Variants in EPB41L2 observed in about 807,000 individuals in gnomAD.
The protein encoded by EPB41L2 is band 4.1-like protein 2.
EPB41L2 carries 43 observed loss-of-function variants against 113.0 expected under a neutral mutation model. The ratio of observed to expected loss-of-function variants is 0.38; its 90% CI spans 0.30 to 0.49. EPB41L2 has a LOEUF of 0.49. Among genes scored for constraint, EPB41L2 ranks in the 20% least tolerant of loss-of-function variants. The pLI, the probability that EPB41L2 is intolerant of heterozygous loss-of-function variation, is 0.95. For missense variants in EPB41L2, 1,147 were observed against 1,223.4 expected (o/e 0.94, Z 0.93); for synonymous variants, 442 against 436.7 (o/e 1.01, Z -0.15).
intron 1 of EPB41L2, among the ~76,000 whole-genome samples, chr6:130,965,979 GA>G (rs2128643268): frequency 6.6e-6 from 1 of 151,922 alleles, no homozygotes; most frequent in African/African-American, 2.4e-5. Context: ...GGAAGAAGAA[GA>G]ATGTCTTGGG....
In EPB41L2 at chr6:130,864,334, T is replaced by C. The variant is rs981932987; in HGVS notation, c.2830-616A>G. On this transcript the variant is annotated intron_variant, in intron 17 of 19. Coordinates refer to ENST00000337057, the MANE Select transcript of EPB41L2 (RefSeq NM_001431.4). ...TGCAATAATTTTAAAAAGGATTTGC[T>C]TTGGTTTCAGATACGGAAGATGGAT... is the stretch of plus-strand genomic sequence containing the variant. Among the ~76,000 whole-genome samples the C allele has an allele frequency of 5.3e-5, 8 of 152,362 alleles. 1 individual carries two copies. The South Asian group carries it at 1.2e-3, about 24-fold the overall frequency.
chr6:131,005,234 T>C (rs1328311103), intron 1 of EPB41L2, among the ~76,000 whole-genome samples: 1 of 152,028 alleles, frequency 6.6e-6, no homozygotes, highest in African/African-American at 2.4e-5. Flanking sequence ...TTTTCAATTA[T>C]CTACTGCTGG....
At chr6:131,013,981 A>G (rs1046072232) in intron 1 of EPB41L2, 2 of 151,082 alleles carry the variant, frequency 1.3e-5, no homozygotes, top group Admixed American at 1.3e-4. Flanking sequence ...ACGTGAAGCT[A>G]TTTCCTGATG....
chr6:131,004,583 C>CTT (rs1785036262), intron 1 of EPB41L2, among the ~76,000 whole-genome samples: 1 of 152,180 alleles, frequency 6.6e-6, no homozygotes, highest in Non-Finnish European at 1.5e-5. Flanking sequence ...CCGACTAGCA[C>CTT]ACATGTGCTC....
chr6:130,987,570 G>A (rs960900709), intron 1 of EPB41L2, among the ~76,000 whole-genome samples: 2 of 152,096 alleles, frequency 1.3e-5, no homozygotes, highest in African/African-American at 2.4e-5. Flanking sequence ...GCATGCACCT[G>A]TAGTCCCAGC....
intron 1 of EPB41L2, among the ~76,000 whole-genome samples, chr6:131,035,439 CCTCTT>C (rs1793101427): frequency 6.6e-6 from 1 of 152,216 alleles, no homozygotes; most frequent in Non-Finnish European, 1.5e-5. Flanking sequence ...CTTCCCATCT[CCTCTT>C]CTGCTTCCTT....
intron 3 of EPB41L2, among the ~76,000 whole-genome samples, chr6:130,933,546 T>C (rs1807662340): frequency 8.7e-6 from 1 of 114,962 alleles, no homozygotes; most frequent in Non-Finnish European, 1.7e-5. Context: ...ATCAGAGTTT[T>C]AGTTTTTTTA....
chr6:130,985,456 G>A (rs1780333237), intron 1 of EPB41L2, among the ~76,000 whole-genome samples: 1 of 152,184 alleles, frequency 6.6e-6, no homozygotes, highest in Admixed American at 6.5e-5. Flanking sequence ...GGGAACCAGT[G>A]CGTGGGACAA....
At chr6:130,865,843 T>C (rs1783577454) in intron 16 of EPB41L2, 1 of 534,886 alleles carries the variant, frequency 1.9e-6, no homozygotes, top group Non-Finnish European at 3.3e-6. Flanking sequence ...CTCAACTGTG[T>C]GAGTGGAGAA....
intron 8 of EPB41L2, among the ~76,000 whole-genome samples, chr6:130,895,928 C>T (rs893825024): frequency 6.6e-6 from 1 of 152,146 alleles, no homozygotes; most frequent in African/African-American, 2.4e-5. Context: ...ATCTAAGATG[C>T]ATGTATTCAA....
chr6:131,045,831 T>C (rs1562793352), intron 1 of EPB41L2, among the ~76,000 whole-genome samples: 2 of 152,134 alleles, frequency 1.3e-5, no homozygotes, highest in Non-Finnish European at 2.9e-5. Flanking sequence ...AAGGTTAAAA[T>C]TTCAGTAACA....
At chr6:130,976,859 T>C (rs1778307883) in intron 1 of EPB41L2, among the ~76,000 whole-genome samples, 1 of 152,180 alleles carries the variant, frequency 6.6e-6, no homozygotes, top group Non-Finnish European at 1.5e-5. Flanking sequence ...CACCAGACAC[T>C]GGTCTAGGCC....
At chr6:130,926,132 G>T (rs1804656507) in intron 4 of EPB41L2, among the ~76,000 whole-genome samples, 1 of 152,164 alleles carries the variant, frequency 6.6e-6, no homozygotes, top group South Asian at 2.1e-4. Context: ...GGTATCCTCA[G>T]ACAGAATCGT....
At chr6:130,875,470 T>G (rs1787219341) in intron 14 of EPB41L2, among the ~76,000 whole-genome samples, 1 of 152,154 alleles carries the variant, frequency 6.6e-6, no homozygotes, top group African/African-American at 2.4e-5. Context: ...TCCCCCTTGC[T>G]CACCAAGCCC....
intron 13 of EPB41L2, 34 bp from the exon 14 acceptor site, chr6:130,878,284 ATCCAAAAGG>A: frequency 6.3e-7 from 1 of 1,578,674 alleles, no homozygotes; most frequent in Admixed American, 1.9e-5. Flanking sequence ...GGGGGGAAAA[ATCCAAAAGG>A]AAAAAACCCA....
At chr6:131,007,113 A>G (rs1785760719) in intron 1 of EPB41L2, among the ~76,000 whole-genome samples, 1 of 152,230 alleles carries the variant, frequency 6.6e-6, no homozygotes, top group Admixed American at 6.5e-5. Context: ...ACAAACTTTA[A>G]GCAGACGGAT....
intron 19 of EPB41L2, among the ~76,000 whole-genome samples, chr6:130,848,049 A>G (rs1458487358): frequency 2.0e-5 from 3 of 152,302 alleles, no homozygotes; most frequent in East Asian, 3.9e-4. Context: ...GTGGGAATCA[A>G]AAGAAATTTC....
intron 3 of EPB41L2, among the ~76,000 whole-genome samples, chr6:130,934,917 T>C (rs1227198555): frequency 6.6e-6 from 1 of 151,894 alleles, no homozygotes; most frequent in Non-Finnish European, 1.5e-5. Flanking sequence ...TACGTAAACA[T>C]GTTGGATTCT....
intron 1 of EPB41L2, among the ~76,000 whole-genome samples, chr6:131,008,542 C>A (rs577597544): frequency 1.3e-5 from 2 of 152,332 alleles, no homozygotes; most frequent in African/African-American, 2.4e-5. Flanking sequence ...GAGAAGACAG[C>A]CACTGTCCTC....
Sources: allele counts gnomAD v4.1 joint callset (sites outside exome capture counted in the v4.1 genomes callset), GRCh38; gene constraint gnomAD v4.1.1; transcripts MANE v1.5; gene names NCBI Gene and HGNC (gene_info 2026-07-23, HGNC 2026-07-21).